The following SCAPER variants were observed in gnomAD, a reference collection of about 807,000 sequenced individuals.
SCAPER encodes the protein S-phase cyclin A associated protein in the ER, also known as S phase cyclin A-associated protein in the endoplasmic reticulum.
In SCAPER, 98 loss-of-function variants were observed where a neutral mutation model predicts 182.2. The observed-to-expected ratio is 0.54, with a 90% CI of 0.46 to 0.64. The LOEUF is 0.64. Ranked by LOEUF, SCAPER falls within the 30% of genes least tolerant of loss-of-function variation. The pLI is 0.00. For synonymous variants in SCAPER, 605 were observed against 564.6 expected (o/e 1.07, Z -1.01); for missense variants, 1,432 against 1,690.0 (o/e 0.85, Z 2.68).
intron 14 of SCAPER, among the ~76,000 whole-genome samples, chr15:76,759,231 T>C (rs985271705): frequency 6.6e-6 from 1 of 152,080 alleles, no homozygotes; most frequent in African/African-American, 2.4e-5. Flanking sequence ...TAGTCTGTTT[T>C]GTGTTGCTAT....
rs187144597 is a variant in SCAPER, at chr15:76,668,641, T to A, written c.2509-2852A>T. Among the ~76,000 whole-genome samples the A allele has an allele frequency of 3.5e-3, 536 of 152,320 alleles. 5 individuals carry two copies. Among genetic ancestry groups the A allele is most frequent in the African/African-American group, 0.012 (498 of 41,578 alleles). On this transcript the variant is annotated intron_variant, in intron 20 of 31. Coordinates refer to ENST00000563290, the MANE Select transcript of SCAPER (RefSeq NM_020843.4). ...CTTAACATACACCCTCTATTATTTG[T>A]CATCTCCTTATTTCTTCATAGTCAT...
At chr15:76,855,822 G>T in intron 4 of SCAPER, 1 of 421,976 alleles carries the variant, frequency 2.4e-6, no homozygotes, top group Non-Finnish European at 4.9e-6. Flanking sequence ...GCTATTGCTG[G>T]GAGTGTAAAT....
intron 23 of SCAPER, among the ~76,000 whole-genome samples, chr15:76,572,907 T>A (rs1444085232): frequency 8.9e-4 from 50 of 55,872 alleles, no homozygotes; most frequent in African/African-American, 1.8e-3. Flanking sequence ...TCTCTCTCTC[T>A]CTCTCTCTCT....
At chr15:76,723,133 T>C (rs2060362581) in intron 17 of SCAPER, among the ~76,000 whole-genome samples, 1 of 152,240 alleles carries the variant, frequency 6.6e-6, no homozygotes, top group Non-Finnish European at 1.5e-5. Flanking sequence ...GTTGTGTCTT[T>C]GTTCTCGTTG....
intron 25 of SCAPER, among the ~76,000 whole-genome samples, chr15:76,454,720 T>G (rs6495205): frequency 6.6e-6 from 1 of 152,174 alleles, no homozygotes; most frequent in Non-Finnish European, 1.5e-5. Context: ...ACCAAGGTTA[T>G]AGTGGTCTTA....
intron 21 of SCAPER, among the ~76,000 whole-genome samples, chr15:76,655,380 A>T (rs926021877): frequency 6.6e-6 from 1 of 152,218 alleles, no homozygotes; most frequent in African/African-American, 2.4e-5. Context: ...CCTCTGAGAA[A>T]TATGGGATTA....
chr15:76,860,737 T>C (rs2071800556), intron 3 of SCAPER, among the ~76,000 whole-genome samples: 1 of 151,816 alleles, frequency 6.6e-6, no homozygotes, highest in South Asian at 2.1e-4. Flanking sequence ...GAGGACCAAA[T>C]GTAAAAAAGA....
At chr15:76,366,086 TACAC>T (rs59741618) in intron 29 of SCAPER, among the ~76,000 whole-genome samples, 30,459 of 149,310 alleles carry the variant, frequency 0.2, 3,474 homozygotes, top group East Asian at 0.42. Flanking sequence ...CTTACACACT[TACAC>T]ACACACACAC....
At chr15:76,431,628 G>T (rs2046859180) in intron 26 of SCAPER, among the ~76,000 whole-genome samples, 1 of 123,874 alleles carries the variant, frequency 8.1e-6, no homozygotes, top group Non-Finnish European at 1.6e-5. Flanking sequence ...GAGACTTCTT[G>T]TCAGTTCATA....
At chr15:76,538,966 A>T (rs545202149) in intron 23 of SCAPER, among the ~76,000 whole-genome samples, 1 of 152,252 alleles carries the variant, frequency 6.6e-6, no homozygotes, top group South Asian at 2.1e-4. Context: ...AATCATAAGT[A>T]GGTCCTATCT....
chr15:76,567,244 A>C (rs563833768), intron 23 of SCAPER: 7 of 404,648 alleles, frequency 1.7e-5, no homozygotes, highest in Non-Finnish European at 1.5e-5. Context: ...TTTTATGTTG[A>C]ATAATAGTCC....
chr15:76,493,693 T>A (rs2052548422), intron 24 of SCAPER, among the ~76,000 whole-genome samples: 1 of 152,252 alleles, frequency 6.6e-6, no homozygotes, highest in Admixed American at 6.5e-5. Flanking sequence ...GATCTGGTTA[T>A]GTAATTTTAA....
At chr15:76,535,800 T>G (rs559021171) in intron 23 of SCAPER, among the ~76,000 whole-genome samples, 3 of 152,238 alleles carry the variant, frequency 2.0e-5, no homozygotes, top group Admixed American at 1.3e-4. Flanking sequence ...AAAGTGGTCA[T>G]CAGTTTATGA....
intron 20 of SCAPER, among the ~76,000 whole-genome samples, chr15:76,681,364 A>G (rs896534567): frequency 6.6e-5 from 10 of 152,242 alleles, no homozygotes; most frequent in Non-Finnish European, 1.5e-4. Context: ...GATAAATACT[A>G]TAAGACTAGT....
At chr15:76,531,555 T>C (rs1009972567) in intron 23 of SCAPER, among the ~76,000 whole-genome samples, 1 of 152,084 alleles carries the variant, frequency 6.6e-6, no homozygotes, top group Admixed American at 6.6e-5. Context: ...TTATTTGCTA[T>C]GGGAGTGTGG....
chr15:76,371,062 T>C (rs2042136146), intron 29 of SCAPER, among the ~76,000 whole-genome samples: 2 of 152,176 alleles, frequency 1.3e-5, no homozygotes, highest in Non-Finnish European at 2.9e-5. Context: ...AAATGAAAAG[T>C]ACACTGAGTT....
intron 5 of SCAPER, among the ~76,000 whole-genome samples, chr15:76,838,145 C>G (rs1222188619): frequency 6.6e-6 from 1 of 152,158 alleles, no homozygotes; most frequent in Non-Finnish European, 1.5e-5. Context: ...GACATGGAAT[C>G]AACCTAGATG....
chr15:76,385,948 C>T (rs1398268677), intron 27 of SCAPER, among the ~76,000 whole-genome samples: 1 of 152,164 alleles, frequency 6.6e-6, no homozygotes, highest in Non-Finnish European at 1.5e-5. Flanking sequence ...GCCAGAAATT[C>T]AAAACAGATC....
chr15:76,540,039 C>T (rs188796903), intron 23 of SCAPER, among the ~76,000 whole-genome samples: 55 of 152,226 alleles, frequency 3.6e-4, no homozygotes, highest in African/African-American at 1.3e-3. Flanking sequence ...GAATACTATT[C>T]AGTCTTTAAA....
Sources: gnomAD v4.1 joint callset for allele counts (sites outside exome capture counted in the v4.1 genomes callset) on GRCh38, gnomAD v4.1.1 for gene constraint, MANE v1.5 for transcripts, NCBI Gene and HGNC (gene_info 2026-07-23, HGNC 2026-07-21) for gene names.